The following ESRP1 variants were observed in gnomAD, a reference collection of about 807,000 sequenced individuals.
ESRP1 encodes RNA-binding motif protein 35A.
Under a neutral mutation model 81.7 loss-of-function variants are expected in ESRP1, and 33 were observed. That is an observed-to-expected ratio of 0.40 (90% CI 0.31 to 0.54). ESRP1 has a LOEUF of 0.54. Ranked by LOEUF, ESRP1 falls within the 20% of genes least tolerant of loss-of-function variation. The probability of loss-of-function intolerance (pLI) is 0.41; values close to 1 mark genes in which losing one functional copy is unlikely to be tolerated. For synonymous variants in ESRP1, 320 were observed against 303.3 expected, an observed-to-expected ratio of 1.06 and a Z score of -0.57; for missense variants, 672 against 833.1, an observed-to-expected ratio of 0.81 and a Z score of 2.38.
chr8:94,677,017 T>G (rs1020525858), intron 12 of ESRP1, among the ~76,000 whole-genome samples: 5 of 152,010 alleles, frequency 3.3e-5, no homozygotes, highest in Non-Finnish European at 7.4e-5. Flanking sequence ...AATCAGAATA[T>G]GAGCACAGGC....
intron 15 of ESRP1, among the ~76,000 whole-genome samples, chr8:94,697,215 A>C (rs760878329): frequency 6.6e-6 from 1 of 152,202 alleles, no homozygotes; most frequent in Non-Finnish European, 1.5e-5. Flanking sequence ...TTAATTTACT[A>C]TCTCTCATGT....
intron 13 of ESRP1, among the ~76,000 whole-genome samples, chr8:94,684,412 A>C (rs186437193): frequency 7.7e-4 from 118 of 152,260 alleles, no homozygotes; most frequent in African/African-American, 2.7e-3. Context: ...TCCATGAAGA[A>C]TCTCGAAAAG....
At chr8:94,667,861 C>T (rs1357864721) in intron 9 of ESRP1, 88 bp from the exon 10 acceptor site, 4 of 1,126,372 alleles carry the variant, frequency 3.6e-6, no homozygotes, top group South Asian at 1.6e-5. Flanking sequence ...GAACTCAAGA[C>T]ATTGGCAGGA....
intron 15 of ESRP1, among the ~76,000 whole-genome samples, chr8:94,699,478 C>A (rs113656137): frequency 0.014 from 2,094 of 151,100 alleles, 43 homozygotes; most frequent in African/African-American, 0.048. Context: ...CCTGTCACTA[C>A]GAAAAAAAAT....
chr8:94,705,901 C>CA (rs1373881224), intron 15 of ESRP1, 24 bp from the exon 16 acceptor site: 2 of 1,295,494 alleles, frequency 1.5e-6, no homozygotes, highest in South Asian at 2.9e-5. Flanking sequence ...TCCTTTTATT[C>CA]ACTTTTTTTT....
chr8:94,670,504 A>G (rs1819262217), intron 10 of ESRP1, among the ~76,000 whole-genome samples: 1 of 152,104 alleles, frequency 6.6e-6, no homozygotes, highest in African/African-American at 2.4e-5. Context: ...AAATTAGTGC[A>G]TGTTTTGGGG....
intron 13 of ESRP1, chr8:94,688,504 C>G (rs1405940749): frequency 1.4e-5 from 3 of 220,808 alleles, no homozygotes; most frequent in African/African-American, 4.7e-5. Flanking sequence ...TATCTGCTTC[C>G]ACGTCATCAG....
chr8:94,687,751 C>T (rs1437723770), intron 13 of ESRP1, among the ~76,000 whole-genome samples: 1 of 152,114 alleles, frequency 6.6e-6, no homozygotes, highest in Non-Finnish European at 1.5e-5. Flanking sequence ...AAATCCTTTG[C>T]ACATTTTTAA....
chr8:94,692,557 C>T, intron 13 of ESRP1, 120 bp from the exon 14 acceptor site: 1 of 1,065,294 alleles, frequency 9.4e-7, no homozygotes, highest in East Asian at 2.6e-5. Context: ...AAAGACAGCT[C>T]TGAGAAGTAT....
chr8:94,681,491 G>A (rs1283910558), intron 13 of ESRP1, among the ~76,000 whole-genome samples: 1 of 151,424 alleles, frequency 6.6e-6, no homozygotes, highest in Non-Finnish European at 1.5e-5. Context: ...ACAAAAAGTA[G>A]CTGGGTGTGG....
At chr8:94,669,033 C>A (rs1044556291) in intron 10 of ESRP1, among the ~76,000 whole-genome samples, 1 of 152,156 alleles carries the variant, frequency 6.6e-6, no homozygotes, top group Non-Finnish European at 1.5e-5. Context: ...TGATCTCCCA[C>A]CTCGGGCTCC....
intron 4 of ESRP1, among the ~76,000 whole-genome samples, chr8:94,657,415 G>A (rs1480227841): frequency 6.6e-6 from 1 of 151,598 alleles, no homozygotes; most frequent in Non-Finnish European, 1.5e-5. Flanking sequence ...TCTGTTACTC[G>A]TTTTCAGTGA....
At chr8:94,669,344 ATACT>A (rs1401392611) in intron 10 of ESRP1, among the ~76,000 whole-genome samples, 1 of 152,132 alleles carries the variant, frequency 6.6e-6, no homozygotes, top group Non-Finnish European at 1.5e-5. Flanking sequence ...AGTATTTAGG[ATACT>A]TACTTAATTA....
chr8:94,650,389 T>C (rs956556554), intron 4 of ESRP1, among the ~76,000 whole-genome samples: 2 of 152,218 alleles, frequency 1.3e-5, no homozygotes, highest in Non-Finnish European at 2.9e-5. Context: ...CACCAATCTT[T>C]ACTGTCTCTG....
At chr8:94,651,239 C>CTTTT (rs35413910) in intron 4 of ESRP1, among the ~76,000 whole-genome samples, 2 of 102,794 alleles carry the variant, frequency 1.9e-5, no homozygotes, top group African/African-American at 3.8e-5. Flanking sequence ...ATAGTGTGGT[C>CTTTT]TTTTTTTTTT....
At chr8:94,667,425 C>T (rs1359623553) in intron 9 of ESRP1, among the ~76,000 whole-genome samples, 5 of 110,960 alleles carry the variant, frequency 4.5e-5, no homozygotes, top group Admixed American at 1.0e-4. Flanking sequence ...ATGTTTGAAC[C>T]TTTCTTAATT....
At chr8:94,659,170 C>T (rs545884985) in intron 4 of ESRP1, among the ~76,000 whole-genome samples, 35 of 152,144 alleles carry the variant, frequency 2.3e-4, no homozygotes, top group African/African-American at 8.0e-4. Context: ...CGTGAGCCAC[C>T]GTGTCTGGCC....
chr8:94,659,132 C>T (rs367683081), intron 4 of ESRP1, among the ~76,000 whole-genome samples: 3 of 152,048 alleles, frequency 2.0e-5, no homozygotes, highest in Admixed American at 6.6e-5. Flanking sequence ...CCTCCCACCT[C>T]GGCCTCCCAA....
At chr8:94,683,968 C>G (rs917452804) in intron 13 of ESRP1, among the ~76,000 whole-genome samples, 36 of 152,330 alleles carry the variant, frequency 2.4e-4, no homozygotes, top group African/African-American at 8.4e-4. Context: ...CTGCCGCAGC[C>G]TCCCGAGTAG....
Sources: gnomAD v4.1 joint callset for allele counts (sites outside exome capture counted in the v4.1 genomes callset) on GRCh38, gnomAD v4.1.1 for gene constraint, MANE v1.5 for transcripts, NCBI Gene and HGNC (gene_info 2026-07-23, HGNC 2026-07-21) for gene names.